Variants in GPC5 observed in about 807,000 individuals in gnomAD.
GPC5 encodes the protein glypican 5.
A neutral mutation model predicts 53.9 loss-of-function variants in GPC5; 47 were observed. The ratio of observed to expected loss-of-function variants is 0.87; its 90% CI spans 0.69 to 1.11. The LOEUF (loss-of-function observed/expected upper bound fraction) is 1.11. Ranked by LOEUF, GPC5 falls within the 50% of genes most tolerant of loss-of-function variation. The pLI, the probability that GPC5 is intolerant of heterozygous loss-of-function variation, is 0.00. For missense variants in GPC5, 748 were observed against 713.1 expected (o/e 1.05, Z -0.56); for synonymous variants, 286 against 263.3 (o/e 1.09, Z -0.84).
chr13:92,756,551 G>A (rs1193817168), intron 7 of GPC5, among the ~76,000 whole-genome samples: 2 of 151,810 alleles, frequency 1.3e-5, no homozygotes, highest in African/African-American at 2.4e-5. Context: ...GTCCCTGTTT[G>A]CAGACGACAT....
chr13:92,219,695 T>TGGTC (rs2042435220), intron 7 of GPC5, among the ~76,000 whole-genome samples: 1 of 152,178 alleles, frequency 6.6e-6, no homozygotes, highest in Non-Finnish European at 1.5e-5. Context: ...AGCTTCTGAT[T>TGGTC]GGTCACCTTC....
At chr13:91,832,268 C>G (rs991151164) in intron 5 of GPC5, among the ~76,000 whole-genome samples, 4 of 149,912 alleles carry the variant, frequency 2.7e-5, no homozygotes, top group Admixed American at 6.7e-5. Context: ...AAAGTCTTAT[C>G]AGAGGCTAGG....
At chr13:91,719,032 C>A (rs2036407373) in intron 3 of GPC5, among the ~76,000 whole-genome samples, 1 of 150,628 alleles carries the variant, frequency 6.6e-6, no homozygotes, top group Non-Finnish European at 1.5e-5. Context: ...GATAATACTT[C>A]ACACAGTTAA....
At chr13:91,792,223 T>C (rs2037976777) in intron 5 of GPC5, among the ~76,000 whole-genome samples, 1 of 152,238 alleles carries the variant, frequency 6.6e-6, no homozygotes, top group South Asian at 2.1e-4. Context: ...CTGACTTCAC[T>C]GCGTAGCAGC....
At chr13:92,610,843 C>T (rs1383873324) in intron 7 of GPC5, among the ~76,000 whole-genome samples, 2 of 151,960 alleles carry the variant, frequency 1.3e-5, no homozygotes, top group Non-Finnish European at 2.9e-5. Context: ...TCACTATCAC[C>T]CCCATGATTC....
intron 7 of GPC5, among the ~76,000 whole-genome samples, chr13:92,288,486 A>G (rs28391557): frequency 0.074 from 11,305 of 152,220 alleles, 555 homozygotes; most frequent in African/African-American, 0.13. Context: ...ATTCATTGTC[A>G]TATGTGGTCA....
rs118106116 is a variant in GPC5 at position 91,530,120 on chromosome 13, C to T, written c.325+81198C>T. ...ATTGCTGTACAGTTGCACCATTTTG[C>T]GAAACCTTCTTCAACATCTGCAAAC... is the stretch of plus-strand genomic sequence containing the variant. On this transcript the variant is annotated intron_variant, in intron 2 of 7. Coordinates refer to ENST00000377067, the MANE Select transcript of GPC5 (RefSeq NM_004466.6). Among the ~76,000 whole-genome samples the T allele has an allele frequency of 9.6e-4, 146 of 152,274 alleles. 2 individuals carry two copies. In the East Asian group the frequency reaches 0.025, roughly 27 times the overall value.
intron 6 of GPC5, among the ~76,000 whole-genome samples, chr13:92,060,679 A>C (rs2041115659): frequency 6.6e-6 from 1 of 152,098 alleles, no homozygotes; most frequent in Non-Finnish European, 1.5e-5. Flanking sequence ...ATGTAGTTTT[A>C]TTGTGAATGA....
intron 2 of GPC5, among the ~76,000 whole-genome samples, chr13:91,464,781 C>A (rs555146590): frequency 6.6e-6 from 1 of 152,040 alleles, no homozygotes; most frequent in South Asian, 2.1e-4. Flanking sequence ...TTACATGAAG[C>A]TACATGTCAT....
chr13:92,236,743 T>C (rs2139108937), intron 7 of GPC5, among the ~76,000 whole-genome samples: 1 of 152,306 alleles, frequency 6.6e-6, no homozygotes, highest in Non-Finnish European at 1.5e-5. Flanking sequence ...CATGTTGATT[T>C]AACTTAGTGA....
intron 6 of GPC5, among the ~76,000 whole-genome samples, chr13:92,082,208 C>T (rs2041301406): frequency 2.0e-5 from 3 of 152,052 alleles, no homozygotes; most frequent in African/African-American, 7.2e-5. Context: ...TATATATGGG[C>T]CATTGAATTA....
chr13:92,818,805 G>A (rs923928943), intron 7 of GPC5, among the ~76,000 whole-genome samples: 2 of 151,916 alleles, frequency 1.3e-5, no homozygotes, highest in African/African-American at 4.9e-5. Context: ...AGAATGAGAA[G>A]TATTAGGAAC....
chr13:92,393,013 C>A (rs1046684742), intron 7 of GPC5, among the ~76,000 whole-genome samples: 1 of 152,132 alleles, frequency 6.6e-6, no homozygotes, highest in Admixed American at 6.5e-5. Flanking sequence ...GAGCTAAAAG[C>A]GTAAGTATCA....
chr13:92,799,192 C>G (rs985275063), intron 7 of GPC5, among the ~76,000 whole-genome samples: 33 of 151,466 alleles, frequency 2.2e-4, no homozygotes, highest in African/African-American at 7.8e-4. Flanking sequence ...AGGTGGCTGG[C>G]CTTATGGTTA....
At chr13:92,443,121 G>A (rs1345506700) in intron 7 of GPC5, among the ~76,000 whole-genome samples, 1 of 152,168 alleles carries the variant, frequency 6.6e-6, no homozygotes, top group African/African-American at 2.4e-5. Flanking sequence ...GATGGAAGGA[G>A]AAGGGGGAGC....
intron 1 of GPC5, among the ~76,000 whole-genome samples, chr13:91,416,818 A>T (rs1245253242): frequency 1.3e-5 from 2 of 152,104 alleles, no homozygotes; most frequent in Admixed American, 6.6e-5. Flanking sequence ...TCCATGGTGT[A>T]TGTTTGCCAC....
intron 3 of GPC5, among the ~76,000 whole-genome samples, chr13:91,704,519 A>T (rs1350508708): frequency 2.0e-5 from 3 of 152,126 alleles, no homozygotes; most frequent in Non-Finnish European, 2.9e-5. Context: ...CAGTCATTGG[A>T]CCTTCCATGA....
intron 6 of GPC5, among the ~76,000 whole-genome samples, chr13:92,003,825 G>A (rs1566388694): frequency 6.6e-6 from 1 of 152,102 alleles, no homozygotes; most frequent in African/African-American, 2.4e-5. Context: ...TTGATGAAAT[G>A]TTACACTTCA....
rs542758530 is a variant in GPC5 at position 92,547,973 on chromosome 13, G to A, written c.1562-318309G>A. Among the ~76,000 whole-genome samples, 120 of 150,156 alleles carry A rather than the reference G, an allele frequency of 8.0e-4. 3 individuals carry two copies. The highest frequency in any genetic ancestry group is 6.9e-3 in the Admixed American group (104 of 15,078). ...GCCTCCCGAGGAGCTGGGACTACAG[G>A]TGCCCGCCACCACGCCTGGCTAATT... On this transcript the variant is annotated intron_variant, in intron 7 of 7. Coordinates refer to ENST00000377067, the MANE Select transcript of GPC5 (RefSeq NM_004466.6).
Sources: gnomAD v4.1 joint callset for allele counts (sites outside exome capture counted in the v4.1 genomes callset) on GRCh38, gnomAD v4.1.1 for gene constraint, MANE v1.5 for transcripts, NCBI Gene and HGNC (gene_info 2026-07-23, HGNC 2026-07-21) for gene names.